The following CADPS2 variants were observed in gnomAD, a reference collection of about 807,000 sequenced individuals.
CADPS2 encodes calcium-dependent secretion activator 2.
Under a neutral mutation model 172.5 loss-of-function variants are expected in CADPS2, and 93 were observed. That is an observed-to-expected ratio of 0.54 (90% CI 0.46 to 0.64). The LOEUF (loss-of-function observed/expected upper bound fraction) is 0.64, where lower values mean the gene tolerates loss of function less well. Ranked by LOEUF, CADPS2 falls within the 30% of genes least tolerant of loss-of-function variation. The pLI, the probability that CADPS2 is intolerant of heterozygous loss-of-function variation, is 0.00. For synonymous variants in CADPS2, 546 were observed against 555.2 expected (o/e 0.98, Z 0.23); for missense variants, 1,420 against 1,565.9 (o/e 0.91, Z 1.57).
At chr7:122,675,737 T>C (rs774488092) in intron 2 of CADPS2, among the ~76,000 whole-genome samples, 1 of 151,938 alleles carries the variant, frequency 6.6e-6, no homozygotes, top group African/African-American at 2.4e-5. Flanking sequence ...CCAAACACCA[T>C]ACATTCTCAC....
intron 7 of CADPS2, among the ~76,000 whole-genome samples, chr7:122,580,206 G>A (rs2068612389): frequency 6.6e-6 from 1 of 152,022 alleles, no homozygotes; most frequent in Non-Finnish European, 1.5e-5. Flanking sequence ...TGTAATCCCA[G>A]CATTTTGGGA....
rs1431464146 is a variant in CADPS2 at position 122,645,339 on chromosome 7, A to ATG, written c.787-16013_787-16012dup. 9.2e-4 allele frequency among the ~76,000 whole-genome samples: 51 copies of ATG among 55,344 alleles called. 2 individuals carry two copies. Among genetic ancestry groups the ATG allele is most frequent in the African/African-American group, 2.7e-3 (49 of 17,864 alleles). The allele number at this position is 55,344 out of a possible 152,430, so 36.3% of individuals were successfully genotyped here. On this transcript the variant is annotated intron_variant, in intron 3 of 29. Coordinates refer to ENST00000449022, the MANE Select transcript of CADPS2 (RefSeq NM_017954.11). ...TGTATACATGTACATATATACACAC[A>ATG]TGTACATGTGTGTGTATACATGTAC... is the stretch of plus-strand genomic sequence containing the variant.
In CADPS2 at chr7:122,870,641, C is replaced by CA. The variant is rs201459075; in HGVS notation, c.339+15357dup. On this transcript the variant is annotated intron_variant, in intron 1 of 29. Coordinates refer to ENST00000449022, the MANE Select transcript of CADPS2 (RefSeq NM_017954.11). The stretch of plus-strand genomic sequence containing the variant: ...AAATAGATTTTTAACAACCTCACCA[C>CA]AAAAAGAAGATAAGTTGGTGAGGTG... Among the ~76,000 whole-genome samples the CA allele has an allele frequency of 4.8e-3, 723 of 151,918 alleles. 5 individuals carry two copies. The highest frequency in any genetic ancestry group is 7.6e-3 in the Non-Finnish European group (515 of 67,868).
intron 12 of CADPS2, among the ~76,000 whole-genome samples, chr7:122,479,317 T>C (rs2057038114): frequency 6.6e-6 from 1 of 152,244 alleles, no homozygotes. Context: ...CATCTGATTA[T>C]ACATTTCTTA....
chr7:122,432,651 A>AT (rs1441400146), intron 17 of CADPS2, among the ~76,000 whole-genome samples: 35 of 151,054 alleles, frequency 2.3e-4, no homozygotes, highest in Admixed American at 2.3e-3. Flanking sequence ...AATAAAAAAA[A>AT]AAAAAAAAAA....
At chr7:122,671,404 C>T (rs867412454) in intron 2 of CADPS2, among the ~76,000 whole-genome samples, 9 of 152,128 alleles carry the variant, frequency 5.9e-5, no homozygotes, top group African/African-American at 2.2e-4. Flanking sequence ...GGGAACAATA[C>T]TGCAGAGGAA....
rs200661784 is a variant in CADPS2, at chr7:122,797,013, G to GA, written c.340-59946dup. On this transcript the variant is annotated intron_variant, in intron 1 of 29. Transcript: ENST00000449022. The stretch of plus-strand genomic sequence containing the variant: ...GTCTATAAAGAACTTAAATTTACAA[G>GA]AAAAAAAAACATTAAAAAGCAGGCA... Among the ~76,000 whole-genome samples, 525 of 145,526 alleles carry GA rather than the reference G, an allele frequency of 3.6e-3. 3 individuals are homozygous for GA. The highest frequency in any genetic ancestry group is 0.029 in the East Asian group (143 of 4,988).
At chr7:122,458,427 T>C (rs927572062) in intron 14 of CADPS2, among the ~76,000 whole-genome samples, 9 of 152,212 alleles carry the variant, frequency 5.9e-5, no homozygotes, top group Non-Finnish European at 1.0e-4. Context: ...ACACACTCAG[T>C]GTCCTTTTAC....
At chr7:122,368,497 T>C (rs1173516015) in intron 25 of CADPS2, among the ~76,000 whole-genome samples, 1 of 152,174 alleles carries the variant, frequency 6.6e-6, no homozygotes, top group Non-Finnish European at 1.5e-5. Flanking sequence ...TTTCCTCATC[T>C]GTGAACAGGG....
chr7:122,875,339 G>A (rs1820926376), intron 1 of CADPS2, among the ~76,000 whole-genome samples: 1 of 152,140 alleles, frequency 6.6e-6, no homozygotes. Flanking sequence ...TTAATTTTCA[G>A]TGATTGTAAG....
chr7:122,575,072 G>C (rs577097851), intron 7 of CADPS2, among the ~76,000 whole-genome samples: 2 of 151,738 alleles, frequency 1.3e-5, no homozygotes, highest in African/African-American at 4.8e-5. Context: ...AACCAGTCAT[G>C]AAAAAAATAG....
intron 8 of CADPS2, among the ~76,000 whole-genome samples, chr7:122,549,098 C>G (rs1381184307): frequency 7.2e-5 from 11 of 152,088 alleles, no homozygotes; most frequent in Admixed American, 5.2e-4. Flanking sequence ...GTGGTTAAAA[C>G]TTGAAGAATA....
chr7:122,687,372 C>T (rs1001660197), intron 2 of CADPS2, among the ~76,000 whole-genome samples: 1 of 152,188 alleles, frequency 6.6e-6, no homozygotes, highest in Non-Finnish European at 1.5e-5. Context: ...TAAAGCTGGA[C>T]TCATCCTAAT....
chr7:122,811,260 T>A (rs1468496354), intron 1 of CADPS2, among the ~76,000 whole-genome samples: 2 of 152,150 alleles, frequency 1.3e-5, no homozygotes, highest in Non-Finnish European at 2.9e-5. Context: ...TAAGGACAAA[T>A]AAATTACAAA....
At chr7:122,330,278 A>T (rs1163620869) in intron 28 of CADPS2, among the ~76,000 whole-genome samples, 1 of 152,222 alleles carries the variant, frequency 6.6e-6, no homozygotes, top group East Asian at 1.9e-4. Context: ...TATTTGTTAA[A>T]TGAGGAAGGC....
At chr7:122,645,681 A>ATATATATCTCTCTCTC (rs796988558) in intron 3 of CADPS2, among the ~76,000 whole-genome samples, 1 of 116,824 alleles carries the variant, frequency 8.6e-6, no homozygotes, top group African/African-American at 3.2e-5. Context: ...ATATATATAT[A>ATATATATCTCTCTCTC]TCTTGGGATT....
chr7:122,703,933 C>A (rs764342130), intron 2 of CADPS2, among the ~76,000 whole-genome samples: 3 of 152,046 alleles, frequency 2.0e-5, no homozygotes, highest in Admixed American at 6.6e-5. Flanking sequence ...AGAATCTTTA[C>A]GGCTTTAAAG....
chr7:122,635,306 T>C (rs2076962947), intron 3 of CADPS2, among the ~76,000 whole-genome samples: 1 of 151,892 alleles, frequency 6.6e-6, no homozygotes, highest in Non-Finnish European at 1.5e-5. Context: ...ATACTTTAAG[T>C]TTTAGGGTAC....
chr7:122,705,673 T>TTATATATCACATATTA (rs2086963837), intron 2 of CADPS2, among the ~76,000 whole-genome samples: 1 of 81,998 alleles, frequency 1.2e-5, no homozygotes, highest in African/African-American at 5.1e-5. Context: ...ATATAATATA[T>TTATATATCACATATTA]TATATAATAT....
Sources: allele counts gnomAD v4.1 joint callset (sites outside exome capture counted in the v4.1 genomes callset), GRCh38; gene constraint gnomAD v4.1.1; transcripts MANE v1.5; gene names NCBI Gene and HGNC (gene_info 2026-07-23, HGNC 2026-07-21).